Variants in CNTNAP5 observed in about 807,000 individuals in gnomAD.
CNTNAP5 encodes contactin-associated protein-like 5.
A neutral mutation model predicts 150.2 loss-of-function variants in CNTNAP5; 72 were observed. The ratio of observed to expected loss-of-function variants is 0.48; its 90% CI spans 0.40 to 0.58. CNTNAP5 has a LOEUF of 0.58. CNTNAP5 is among the 20% of genes least tolerant of loss of function. The pLI is 0.00. For missense variants in CNTNAP5, 1,636 were observed against 1,626.2 expected (o/e 1.01, Z -0.10); for synonymous variants, 672 against 619.8 (o/e 1.08, Z -1.25).
intron 1 of CNTNAP5, among the ~76,000 whole-genome samples, chr2:124,029,921 C>G (rs754065904): frequency 1.3e-5 from 2 of 151,944 alleles, no homozygotes; most frequent in Non-Finnish European, 2.9e-5. Context: ...ACCTAAAATC[C>G]CAGAGGACAA....
At chr2:124,302,424 G>C (rs1204810652) in intron 3 of CNTNAP5, among the ~76,000 whole-genome samples, 1 of 152,182 alleles carries the variant, frequency 6.6e-6, no homozygotes, top group Non-Finnish European at 1.5e-5. Flanking sequence ...CTAGAGGCTG[G>C]GAAATCCAAG....
rs555836426 is a variant in CNTNAP5, at chr2:124,763,981, C to A, written c.2367C>A (p.Arg789=). The A allele has an allele frequency of 6.2e-7, 1 of 1,611,042 alleles. No individual in the cohort carries two copies. Among genetic ancestry groups the A allele is most frequent in the African/African-American group, 1.3e-5 (1 of 74,616 alleles). The change falls in exon 16 of 24, where the codon CGC becomes CGA. Residue 789 remains arginine (R), a synonymous_variant. Coordinates refer to ENST00000682447, the MANE Select transcript of CNTNAP5 (RefSeq NM_001367498.1). ...GAAGGATTTTCTCATTTGCAGGACG[C>A]TTCTGGAACGCCGTCTCATTTTATA... is the stretch of plus-strand genomic sequence containing the variant. ...IGPLRCYGDR[R]FWNAVSFYTE...
chr2:124,844,538 A>C (rs974555020), intron 19 of CNTNAP5, among the ~76,000 whole-genome samples: 1 of 151,606 alleles, frequency 6.6e-6, no homozygotes, highest in Non-Finnish European at 1.5e-5. Context: ...GTTTTTTATA[A>C]TGATGGTGGT....
chr2:124,443,535 G>T (rs1230067825), intron 5 of CNTNAP5, among the ~76,000 whole-genome samples: 1 of 151,990 alleles, frequency 6.6e-6, no homozygotes, highest in African/African-American at 2.4e-5. Flanking sequence ...ATTAATAGCG[G>T]TGATTACCTG....
chr2:124,154,397 G>A (rs1009926974), intron 1 of CNTNAP5, among the ~76,000 whole-genome samples: 5 of 152,136 alleles, frequency 3.3e-5, no homozygotes, highest in African/African-American at 7.2e-5. Flanking sequence ...ATGAGCTGAT[G>A]GGGGTGAGGA....
At chr2:124,674,507 TTCTCTTTCTTTCTTTC>T (rs1168085127) in intron 13 of CNTNAP5, among the ~76,000 whole-genome samples, 32 of 65,654 alleles carry the variant, frequency 4.9e-4, no homozygotes, top group African/African-American at 1.1e-3. Flanking sequence ...CTTTCTTTCT[TTCTCTTTCTTTCTTTC>T]TTTCTTTCTT....
chr2:124,826,696 C>G (rs1682600044), intron 19 of CNTNAP5, among the ~76,000 whole-genome samples: 1 of 152,094 alleles, frequency 6.6e-6, no homozygotes, highest in South Asian at 2.1e-4. Context: ...GTAGGGCCCA[C>G]CTTTCAGTAT....
At chr2:124,580,608 G>A (rs910980629) in intron 11 of CNTNAP5, among the ~76,000 whole-genome samples, 5 of 152,168 alleles carry the variant, frequency 3.3e-5, no homozygotes, top group Non-Finnish European at 5.9e-5. Flanking sequence ...TTTAACAAGT[G>A]CTTGGCCCCC....
At chr2:124,761,791 A>T (rs1680960728) in intron 14 of CNTNAP5, among the ~76,000 whole-genome samples, 1 of 152,166 alleles carries the variant, frequency 6.6e-6, no homozygotes, top group African/African-American at 2.4e-5. Flanking sequence ...GCTTTGCATC[A>T]TCAAACTAAA....
rs1396627886 is a variant in CNTNAP5, at chr2:124,214,874, A to T, written c.83-6831A>T. 2.0e-5 allele frequency among the ~76,000 whole-genome samples: 3 copies of T among 152,178 alleles called. No individual in the cohort carries two copies. In the South Asian group the frequency reaches 6.2e-4, roughly 32 times the overall value. Reference sequence around the variant, plus strand: ...CAAGTTCTGCATCAATCTGGAAATGAGTGTCAGGATAGAGAAGACTCGGCC... The same window carrying T: ...CAAGTTCTGCATCAATCTGGAAATGTGTGTCAGGATAGAGAAGACTCGGCC... On this transcript the variant is annotated intron_variant, in intron 1 of 23. Transcript: ENST00000682447.
At chr2:124,831,889 T>G (rs1162731670) in intron 19 of CNTNAP5, among the ~76,000 whole-genome samples, 1 of 152,082 alleles carries the variant, frequency 6.6e-6, no homozygotes, top group African/African-American at 2.4e-5. Context: ...TTTAAATTTA[T>G]TTCCAAGTTG....
chr2:124,247,128 C>CATGGGAGAT (rs1687050755), intron 3 of CNTNAP5, among the ~76,000 whole-genome samples: 1 of 152,172 alleles, frequency 6.6e-6, no homozygotes. Flanking sequence ...GGGAGATGCT[C>CATGGGAGAT]TCTGATCTTC....
At chr2:124,696,840 C>G (rs1222849176) in intron 13 of CNTNAP5, among the ~76,000 whole-genome samples, 1 of 152,056 alleles carries the variant, frequency 6.6e-6, no homozygotes, top group Admixed American at 6.6e-5. Flanking sequence ...CTTGTAACTT[C>G]CAGGTTAAGA....
chr2:124,112,817 C>G (rs1178703166), intron 1 of CNTNAP5, among the ~76,000 whole-genome samples: 1 of 152,110 alleles, frequency 6.6e-6, no homozygotes, highest in Non-Finnish European at 1.5e-5. Context: ...ACTCTATAAA[C>G]AGAATGTATC....
chr2:124,712,190 T>A (rs566074139), intron 13 of CNTNAP5, among the ~76,000 whole-genome samples: 110 of 152,340 alleles, frequency 7.2e-4, no homozygotes, highest in African/African-American at 2.6e-3. Flanking sequence ...TTCAGACTCA[T>A]GTTGGGTGGA....
chr2:124,207,097 C>G (rs569865481), intron 1 of CNTNAP5, among the ~76,000 whole-genome samples: 1 of 152,124 alleles, frequency 6.6e-6, no homozygotes, highest in Non-Finnish European at 1.5e-5. Context: ...TTTAAAGAAA[C>G]GAGAATCCCT....
chr2:124,249,006 G>A (rs778715796), intron 3 of CNTNAP5, among the ~76,000 whole-genome samples: 11 of 152,118 alleles, frequency 7.2e-5, no homozygotes, highest in African/African-American at 2.2e-4. Context: ...TTTTCAATAT[G>A]TATAAACCTG....
chr2:124,379,392 G>A lies in CNTNAP5; in HGVS notation c.382-38051G>A, dbSNP rs114982399. Among the ~76,000 whole-genome samples, 1,294 of 151,962 alleles carry A rather than the reference G, an allele frequency of 8.5e-3. 14 individuals carry two copies. Among genetic ancestry groups the A allele is most frequent in the African/African-American group, 0.03 (1,227 of 41,450 alleles). ...ACCTTTTTGCTGTTTCCATAGTTTT[G>A]TCTTTTTCATACAATATGTATCCCA... On this transcript the variant is annotated intron_variant, in intron 3 of 23. Transcript: ENST00000682447.
At chr2:124,717,269 C>A (rs1287511894) in intron 13 of CNTNAP5, among the ~76,000 whole-genome samples, 1 of 152,146 alleles carries the variant, frequency 6.6e-6, no homozygotes, top group Non-Finnish European at 1.5e-5. Context: ...TGCGTGCTGC[C>A]AGATTGGCAT....
Sources: allele counts gnomAD v4.1 joint callset (sites outside exome capture counted in the v4.1 genomes callset), GRCh38; gene constraint gnomAD v4.1.1; transcripts MANE v1.5; gene names NCBI Gene and HGNC (gene_info 2026-07-23, HGNC 2026-07-21).